TTC27: variants seen among roughly 807,000 people sequenced by gnomAD.
TTC27 encodes the protein tetratricopeptide repeat domain 27, also known as tetratricopeptide repeat protein 27.
TTC27 carries 79 observed loss-of-function variants against 115.9 expected under a neutral mutation model. That is an observed-to-expected ratio of 0.68 (90% CI 0.57 to 0.82). TTC27 has a LOEUF of 0.82. Among genes scored for constraint, TTC27 ranks in the 40% least tolerant of loss-of-function variants. TTC27 has a pLI of 0.00. For missense variants in TTC27, 1,054 were observed against 993.1 expected (o/e 1.06, Z -0.82); for synonymous variants, 401 against 356.0 (o/e 1.13, Z -1.42).
At chr2:32,767,457 T>TTTG (rs1553317311) in intron 13 of TTC27, among the ~76,000 whole-genome samples, 17 of 140,318 alleles carry the variant, frequency 1.2e-4, no homozygotes, top group South Asian at 4.8e-4. Context: ...TTTTTTGTTT[T>TTTG]TTTTTTTTTT....
intron 18 of TTC27, among the ~76,000 whole-genome samples, chr2:32,816,545 C>T (rs1671507312): frequency 6.6e-6 from 1 of 152,110 alleles, no homozygotes; most frequent in East Asian, 1.9e-4. Context: ...CATTAATAGC[C>T]AGGCCTTCTA....
intron 16 of TTC27, among the ~76,000 whole-genome samples, chr2:32,790,673 T>G (rs1670504993): frequency 6.6e-6 from 1 of 152,192 alleles, no homozygotes. Flanking sequence ...ATCCTCTGTC[T>G]GAAACTTTGT....
intron 9 of TTC27, among the ~76,000 whole-genome samples, chr2:32,683,304 A>G (rs924286960): frequency 6.6e-6 from 1 of 151,802 alleles, no homozygotes; most frequent in Non-Finnish European, 1.5e-5. Flanking sequence ...AAGTCTTAAT[A>G]CTCCTACCAG....
chr2:32,755,398 C>A (rs528691915), intron 12 of TTC27, among the ~76,000 whole-genome samples: 3 of 152,338 alleles, frequency 2.0e-5, no homozygotes, highest in African/African-American at 7.2e-5. Flanking sequence ...CCGGCCAACA[C>A]AGCGAAACCC....
chr2:32,764,447 C>CA (rs550738642), intron 13 of TTC27, among the ~76,000 whole-genome samples: 37 of 150,440 alleles, frequency 2.5e-4, no homozygotes, highest in South Asian at 6.3e-4. Flanking sequence ...ACTTTATTAC[C>CA]AAAAAAAAAT....
Position 32,756,570 on chromosome 2 carries a change from A to T in TTC27, c.1453-1722A>T, listed in dbSNP as rs555962260. ...AATGCAGAGGAGCCAACATCCAAAGACACTTTTAGAAGTATAGTCTTCTTT... is the reference window on the plus strand; with the variant it reads ...AATGCAGAGGAGCCAACATCCAAAGTCACTTTTAGAAGTATAGTCTTCTTT... On this transcript the variant is annotated intron_variant, in intron 12 of 19. Coordinates refer to ENST00000317907, the MANE Select transcript of TTC27 (RefSeq NM_017735.5). Among the ~76,000 whole-genome samples, 18 of 152,362 alleles carry T rather than the reference A, an allele frequency of 1.2e-4. No individual in the cohort carries two copies. In the South Asian group the frequency reaches 1.2e-3, roughly 11 times the overall value.
At chr2:32,775,344 C>T (rs954689050) in intron 13 of TTC27, among the ~76,000 whole-genome samples, 3 of 152,098 alleles carry the variant, frequency 2.0e-5, no homozygotes, top group Non-Finnish European at 4.4e-5. Context: ...ACTACAGGCG[C>T]CCACCACCAC....
At chr2:32,770,304 A>G (rs1669783841) in intron 13 of TTC27, among the ~76,000 whole-genome samples, 1 of 152,144 alleles carries the variant, frequency 6.6e-6, no homozygotes, top group Admixed American at 6.5e-5. Flanking sequence ...TACTTTCATA[A>G]ATGAAGAAAT....
intron 7 of TTC27, among the ~76,000 whole-genome samples, chr2:32,670,993 G>A (rs761627152): frequency 6.6e-6 from 1 of 152,146 alleles, no homozygotes; most frequent in African/African-American, 2.4e-5. Flanking sequence ...CTGGATGCAA[G>A]TCCCTTTTCA....
rs184218638 is a variant in TTC27, at chr2:32,742,775, T to A, written c.1452+5959T>A. ...CTTTCAGTGGTCAGTCTCCCTGTCA[T>A]TGAGAAACAGCCTCTACAATAGAAT... On this transcript the variant is annotated intron_variant, in intron 12 of 19. Coordinates refer to ENST00000317907, the MANE Select transcript of TTC27 (RefSeq NM_017735.5). Among the ~76,000 whole-genome samples the A allele has an allele frequency of 3.1e-3, 467 of 152,292 alleles. 6 individuals carry two copies. Among genetic ancestry groups the A allele is most frequent in the African/African-American group, 0.01 (435 of 41,564 alleles).
At chr2:32,764,011 T>C (rs1669536267) in intron 13 of TTC27, among the ~76,000 whole-genome samples, 1 of 152,176 alleles carries the variant, frequency 6.6e-6, no homozygotes. Context: ...TGCAAAAATG[T>C]AAAAACCAAA....
intron 10 of TTC27, among the ~76,000 whole-genome samples, chr2:32,723,021 A>G (rs1667976656): frequency 6.6e-6 from 1 of 152,194 alleles, no homozygotes. Context: ...GTAACACACA[A>G]TATAAAGGAA....
intron 9 of TTC27, among the ~76,000 whole-genome samples, chr2:32,700,626 C>T (rs887471473): frequency 2.6e-5 from 4 of 152,170 alleles, no homozygotes; most frequent in African/African-American, 7.2e-5. Context: ...CAACCTCCAC[C>T]TCCCAGGTTC....
At chr2:32,745,413 TGAAGG>T (rs1261551018) in intron 12 of TTC27, among the ~76,000 whole-genome samples, 3 of 152,156 alleles carry the variant, frequency 2.0e-5, no homozygotes, top group Non-Finnish European at 4.4e-5. Context: ...AGTGGAAGAC[TGAAGG>T]GCTTGAGTCA....
At chr2:32,712,878 G>T (rs115079571) in intron 10 of TTC27, among the ~76,000 whole-genome samples, 1 of 152,084 alleles carries the variant, frequency 6.6e-6, no homozygotes, top group Admixed American at 6.6e-5. Flanking sequence ...TTTATCAGAA[G>T]ATCACATCCT....
At chr2:32,756,027 C>G (rs937265451) in intron 12 of TTC27, among the ~76,000 whole-genome samples, 4 of 152,312 alleles carry the variant, frequency 2.6e-5, no homozygotes, top group Middle Eastern at 3.4e-3. Flanking sequence ...ATCACTGCAG[C>G]CTTTCTGTCT....
intron 10 of TTC27, among the ~76,000 whole-genome samples, chr2:32,712,829 G>T (rs994472297): frequency 3.9e-5 from 6 of 152,154 alleles, no homozygotes; most frequent in African/African-American, 1.4e-4. Flanking sequence ...TTACAGGCAT[G>T]AGACACTGCA....
intron 10 of TTC27, among the ~76,000 whole-genome samples, chr2:32,725,091 C>G (rs1362666363): frequency 6.6e-6 from 1 of 152,176 alleles, no homozygotes; most frequent in East Asian, 1.9e-4. Context: ...ATTCAGTTAC[C>G]TCCCACTGGG....
rs531908303 is a variant in TTC27, at chr2:32,758,184, G to T, written c.1453-108G>T. ...ATAGGTCAAATAAGAAATCTCAAAC[G>T]TTGAAAATAAAAATTTGGATTGTGT... is the stretch of plus-strand genomic sequence containing the variant. On this transcript the variant is annotated intron_variant, in intron 12 of 19. Transcript: ENST00000317907. 4.0e-6 allele frequency: 4 copies of T among 988,204 alleles called. No individual in the cohort carries two copies. In the African/African-American group the frequency reaches 6.6e-5, roughly 16 times the overall value. The allele number at this position is 988,204 out of a possible 1,614,324, so 61.2% of individuals were successfully genotyped here.
Sources: gnomAD v4.1 joint callset for allele counts (sites outside exome capture counted in the v4.1 genomes callset) on GRCh38, gnomAD v4.1.1 for gene constraint, MANE v1.5 for transcripts, NCBI Gene and HGNC (gene_info 2026-07-23, HGNC 2026-07-21) for gene names.